ADRA1A: variants seen among roughly 807,000 people sequenced by gnomAD.
The protein encoded by ADRA1A is adrenoceptor alpha 1A.
In ADRA1A, 31 loss-of-function variants were observed where a neutral mutation model predicts 29.6. That is an observed-to-expected ratio of 1.05 (90% CI 0.79 to 1.41). The LOEUF (loss-of-function observed/expected upper bound fraction) is 1.41. Ranked by LOEUF, ADRA1A falls within the 40% of genes most tolerant of loss-of-function variation. The probability of loss-of-function intolerance (pLI) is 0.00; values close to 1 mark genes in which losing one functional copy is unlikely to be tolerated. For missense variants in ADRA1A, 619 were observed against 601.1 expected, an observed-to-expected ratio of 1.03 and a Z score of -0.31; for synonymous variants, 311 against 254.3, an observed-to-expected ratio of 1.22 and a Z score of -2.12.
rs1299937439 is a variant in ADRA1A at position 26,825,974 on chromosome 8, C to T, written c.883+38113G>A. Reference sequence around the variant, plus strand: ...CAAAAACACATAAACACATTCTGTCCAGAGAGTGCTTACCTCTTCTTCCTG... The same window carrying T: ...CAAAAACACATAAACACATTCTGTCTAGAGAGTGCTTACCTCTTCTTCCTG... On this transcript the variant is annotated intron_variant, in intron 2 of 2. Transcript: ENST00000380573. This position sits in a 1 kb window ranked among gnomAD's most constrained non-coding sequence, Gnocchi z 5.7. Among the ~76,000 whole-genome samples the T allele has an allele frequency of 2.0e-5, 3 of 152,166 alleles. No individual in the cohort carries two copies. Among genetic ancestry groups the T allele is most frequent in the Non-Finnish European group, 4.4e-5 (3 of 68,038 alleles).
At chr8:26,784,866 C>T (rs1807259773) in intron 2 of ADRA1A, among the ~76,000 whole-genome samples, 1 of 152,168 alleles carries the variant, frequency 6.6e-6, no homozygotes, top group African/African-American at 2.4e-5. Flanking sequence ...TATAGGAAGA[C>T]TGATTTGGGC....
chr8:26,816,714 G>A (rs1035851582), intron 2 of ADRA1A, among the ~76,000 whole-genome samples: 10 of 152,252 alleles, frequency 6.6e-5, no homozygotes, highest in Admixed American at 1.3e-4. Flanking sequence ...GCACCTCAGC[G>A]CCCACCAGCT....
chr8:26,832,403 C>T lies in ADRA1A; in HGVS notation c.883+31684G>A, dbSNP rs576245763. Among the ~76,000 whole-genome samples the T allele has an allele frequency of 5.9e-5, 9 of 152,082 alleles. No homozygotes were observed. The South Asian group carries it at 6.2e-4, about 11-fold the overall frequency. On this transcript the variant is annotated intron_variant, in intron 2 of 2. Coordinates refer to ENST00000380573, the MANE Select transcript of ADRA1A (RefSeq NM_000680.4). Reference sequence around the variant, plus strand: ...CTCTGTAAACAATGTGCACTCTTTGCGGAGGCAAAAGTCTGGAAACTAGAT... The same window carrying T: ...CTCTGTAAACAATGTGCACTCTTTGTGGAGGCAAAAGTCTGGAAACTAGAT...
chr8:26,766,575 G>C (rs968251927), downstream of ADRA1A, among the ~76,000 whole-genome samples: 5 of 152,186 alleles, frequency 3.3e-5, no homozygotes, highest in South Asian at 1.0e-3. Context: ...CAAGGAAACA[G>C]AACATTAAAA....
At chr8:26,751,945 A>G (rs1341988048), downstream of ADRA1A, among the ~76,000 whole-genome samples, 1 of 152,208 alleles carries the variant, frequency 6.6e-6, no homozygotes, top group Non-Finnish European at 1.5e-5. Flanking sequence ...CAGGCTCTTG[A>G]GAGCTGACTG....
intron 2 of ADRA1A, among the ~76,000 whole-genome samples, 164 bp from the exon 3 acceptor site, chr8:26,770,830 C>T (rs1243429177): frequency 6.6e-6 from 1 of 152,200 alleles, no homozygotes; most frequent in Admixed American, 6.5e-5. Context: ...ATGACTGTCA[C>T]CCTTTTGCAA....
At chr8:26,781,525 C>T (rs1048546539) in intron 2 of ADRA1A, among the ~76,000 whole-genome samples, 7 of 152,206 alleles carry the variant, frequency 4.6e-5, no homozygotes, top group African/African-American at 1.4e-4. Flanking sequence ...AGAAACAGAG[C>T]CTGTCTTAAC....
At chr8:26,837,513 T>C (rs1811467796) in intron 2 of ADRA1A, among the ~76,000 whole-genome samples, 1 of 152,038 alleles carries the variant, frequency 6.6e-6, no homozygotes, top group Non-Finnish European at 1.5e-5. Flanking sequence ...TAGCCAGGTA[T>C]GGTGGTGCAT....
At chr8:26,827,399 C>T (rs758205271) in intron 2 of ADRA1A, among the ~76,000 whole-genome samples, 13 of 152,170 alleles carry the variant, frequency 8.5e-5, no homozygotes, top group Non-Finnish European at 1.5e-4. Flanking sequence ...GTGTCTTAGT[C>T]TGTTTGGGCT....
chr8:26,757,419 T>C (rs1027274743), intron 2 of ADRA1A, among the ~76,000 whole-genome samples: 1 of 152,040 alleles, frequency 6.6e-6, no homozygotes, highest in Non-Finnish European at 1.5e-5. Context: ...TAGACTCGAC[T>C]GGCAGAACCT....
intron 2 of ADRA1A, among the ~76,000 whole-genome samples, chr8:26,788,668 A>G (rs148079196): frequency 2.0e-5 from 3 of 152,202 alleles, no homozygotes; most frequent in African/African-American, 4.8e-5. Flanking sequence ...CAAATGAGGA[A>G]AATGAGACTC....
intron 2 of ADRA1A, among the ~76,000 whole-genome samples, chr8:26,803,476 GC>G (rs1808748676): frequency 6.6e-6 from 1 of 152,046 alleles, no homozygotes; most frequent in Non-Finnish European, 1.5e-5. Context: ...AACCTATAAA[GC>G]TTTAAGAAGA....
chr8:26,831,932 T>G lies in ADRA1A; in HGVS notation c.883+32155A>C, dbSNP rs112049559. On this transcript the variant is annotated intron_variant, in intron 2 of 2. Coordinates refer to ENST00000380573, the MANE Select transcript of ADRA1A (RefSeq NM_000680.4). This position sits in a 1 kb window ranked among gnomAD's most constrained non-coding sequence, Gnocchi z 5.2. Reference sequence around the variant, plus strand: ...CCTCTCCCTAAGAGACACCTGGGCCTGGCCGTGTGGTTTGTAGGCTGGAGT... The same window carrying G: ...CCTCTCCCTAAGAGACACCTGGGCCGGGCCGTGTGGTTTGTAGGCTGGAGT... Among the ~76,000 whole-genome samples the G allele has an allele frequency of 6.6e-5, 10 of 152,224 alleles. No homozygotes were observed. Among genetic ancestry groups the G allele is most frequent in the Non-Finnish European group, 1.0e-4 (7 of 68,042 alleles).
In ADRA1A at chr8:26,864,321, C is replaced by G. The variant is rs150544480; in HGVS notation, c.649G>C (p.Gly217Arg). The G allele has an allele frequency of 1.2e-6, 2 of 1,614,046 alleles. No homozygotes were observed. The highest frequency in any genetic ancestry group is 2.2e-5 in the South Asian group (2 of 91,066). The change falls in exon 2 of 3, where the codon GGC becomes CGC. Residue 217 changes from glycine (G) to arginine (R), a missense_variant. Coordinates refer to ENST00000380573, the MANE Select transcript of ADRA1A (RefSeq NM_000680.4). The surrounding 1 kb of genome is among the most constrained non-coding windows in gnomAD (Gnocchi z 8.1). ...TCGGTCTTGAGGCCAGACTTGAGGC[C>G]CCGGCTCTCCCTCTTGGCCACCACG... ...VYVVAKRESRGLKSGLKTDKS... is the reference protein window; with the variant it reads ...VYVVAKRESRRLKSGLKTDKS...
At position 26,821,041 on chromosome 8, in the gene ADRA1A, C is replaced by T. The variant is rs187442935; in HGVS notation, c.883+43046G>A. 7.2e-5 allele frequency among the ~76,000 whole-genome samples: 11 copies of T among 152,208 alleles called. No individual in the cohort carries two copies. Among genetic ancestry groups the T allele is most frequent in the Admixed American group, 3.9e-4 (6 of 15,284 alleles). On this transcript the variant is annotated intron_variant, in intron 2 of 2. Transcript: ENST00000380573. The surrounding 1 kb of genome is among the most constrained non-coding windows in gnomAD (Gnocchi z 5.6). ...GAGTAGCTAGGATTACAGGCAGGTG[C>T]CACCACACCTGGCTAATTTTTGTAT...
At chr8:26,765,640 G>T (rs889786248), downstream of ADRA1A, among the ~76,000 whole-genome samples, 1 of 152,216 alleles carries the variant, frequency 6.6e-6, no homozygotes, top group Non-Finnish European at 1.5e-5. Flanking sequence ...CTCCATATTT[G>T]CCTCCTCTGC....
intron 2 of ADRA1A, among the ~76,000 whole-genome samples, chr8:26,838,516 A>C (rs1302210548): frequency 6.6e-6 from 1 of 152,208 alleles, no homozygotes. Context: ...TACTGTGCTT[A>C]GGCCCTGAGG....
intron 2 of ADRA1A, among the ~76,000 whole-genome samples, chr8:26,760,586 A>C (rs1805455412): frequency 6.6e-6 from 1 of 152,180 alleles, no homozygotes; most frequent in African/African-American, 2.4e-5. Context: ...CCCACCTATC[A>C]CTGGCACGGG....
intron 2 of ADRA1A, among the ~76,000 whole-genome samples, chr8:26,778,110 A>G (rs1806683655): frequency 6.6e-6 from 1 of 152,196 alleles, no homozygotes; most frequent in Admixed American, 6.5e-5. Context: ...GCTGGAATTA[A>G]AACTTGTCAA....
Sources: allele counts gnomAD v4.1 joint callset (sites outside exome capture counted in the v4.1 genomes callset), GRCh38; gene constraint gnomAD v4.1.1; non-coding constraint Gnocchi (gnomAD v3.1); transcripts MANE v1.5; gene names NCBI Gene and HGNC (gene_info 2026-07-23, HGNC 2026-07-21).